Variants in C1GALT1 observed in about 807,000 individuals in gnomAD.
The protein encoded by C1GALT1 is glycoprotein-N-acetylgalactosamine 3-beta-galactosyltransferase 1.
A neutral mutation model predicts 31.0 loss-of-function variants in C1GALT1; 11 were observed. That is an observed-to-expected ratio of 0.36 (90% CI 0.22 to 0.59). C1GALT1 has a LOEUF of 0.59. Among genes scored for constraint, C1GALT1 ranks in the 20% least tolerant of loss-of-function variants. The pLI, the probability that C1GALT1 is intolerant of heterozygous loss-of-function variation, is 0.79. For missense variants in C1GALT1, 424 were observed against 425.2 expected (o/e 1.00, Z 0.03); for synonymous variants, 175 against 143.6 (o/e 1.22, Z -1.56).
At chr7:7,202,054 C>G (rs944045257) in intron 1 of C1GALT1, among the ~76,000 whole-genome samples, 6 of 152,214 alleles carry the variant, frequency 3.9e-5, no homozygotes, top group African/African-American at 1.4e-4. Flanking sequence ...ATATTTCTCA[C>G]AGCTCTCTAA....
At chr7:7,221,825 T>C (rs1198795864) in intron 1 of C1GALT1, among the ~76,000 whole-genome samples, 2 of 152,202 alleles carry the variant, frequency 1.3e-5, no homozygotes, top group South Asian at 2.1e-4. Context: ...CTCCTAAGGC[T>C]TGTTGCAAGG....
upstream of C1GALT1, among the ~76,000 whole-genome samples, chr7:7,180,468 T>C (rs1237187104): frequency 6.6e-6 from 1 of 152,212 alleles, no homozygotes; most frequent in Non-Finnish European, 1.5e-5. Context: ...GGTATATCCA[T>C]TTAACAGACA....
intron 3 of C1GALT1, among the ~76,000 whole-genome samples, chr7:7,243,173 G>C (rs1783705652): frequency 6.6e-6 from 1 of 152,228 alleles, no homozygotes; most frequent in African/African-American, 2.4e-5. Flanking sequence ...AAATGAGGAA[G>C]AGAAAGCAGA....
intron 1 of C1GALT1, among the ~76,000 whole-genome samples, chr7:7,218,055 G>C (rs1330308902): frequency 3.9e-5 from 6 of 152,160 alleles, no homozygotes; most frequent in Admixed American, 3.9e-4. Context: ...GAAGGAATAA[G>C]GAAAAATTTG....
intron 1 of C1GALT1, among the ~76,000 whole-genome samples, chr7:7,220,745 C>T (rs1231969928): frequency 1.3e-5 from 2 of 152,174 alleles, no homozygotes; most frequent in Non-Finnish European, 2.9e-5. Context: ...TGGTCTTGAT[C>T]TCTTGACCTT....
In C1GALT1 at chr7:7,244,830, CA is replaced by C. The variant is rs1783779789; in HGVS notation, c.*1105del. 6.6e-6 allele frequency: 1 copy of C among 152,110 alleles called. No individual in the cohort carries two copies. Among genetic ancestry groups the C allele is most frequent in the Admixed American group, 6.5e-5 (1 of 15,270 alleles). 9.4% of individuals were successfully genotyped at this position (152,110 alleles called of 1,614,324 possible). On this transcript the variant is annotated 3_prime_UTR_variant, in exon 4 of 4. Coordinates refer to ENST00000436587, the MANE Select transcript of C1GALT1 (RefSeq NM_020156.5). ...GCAAGATTTTGATGAGAATTAAAAA[CA>C]ATAGAAAATGTAGAGTGCTTAAACA...
intron 1 of C1GALT1, among the ~76,000 whole-genome samples, chr7:7,231,484 C>T (rs1783070509): frequency 6.6e-6 from 1 of 151,966 alleles, no homozygotes. Flanking sequence ...TGTTTTTTTG[C>T]TCAATTCTTT....
intron 1 of C1GALT1, among the ~76,000 whole-genome samples, chr7:7,231,212 A>G (rs1783058559): frequency 6.6e-6 from 1 of 152,222 alleles, no homozygotes; most frequent in East Asian, 1.9e-4. Context: ...GCTGCTAAAA[A>G]GTCAGCTGTC....
intron 1 of C1GALT1, among the ~76,000 whole-genome samples, chr7:7,195,592 C>T (rs372113632): frequency 4.6e-5 from 7 of 152,058 alleles, no homozygotes; most frequent in South Asian, 2.1e-4. Context: ...TGTGTCCTGT[C>T]GTGGTCTGTT....
intron 1 of C1GALT1, among the ~76,000 whole-genome samples, chr7:7,189,213 A>G (rs1267791924): frequency 6.6e-6 from 1 of 152,128 alleles, no homozygotes; most frequent in African/African-American, 2.4e-5. Context: ...TTCCTCATCA[A>G]CAGACAGACG....
intron 2 of C1GALT1, among the ~76,000 whole-genome samples, chr7:7,169,624 T>C (rs1015798354): frequency 6.6e-6 from 1 of 152,196 alleles, no homozygotes; most frequent in African/African-American, 2.4e-5. Flanking sequence ...ATTACCCTAA[T>C]AACTAAGGAT....
At position 7,182,714 on chromosome 7, in the gene C1GALT1, C is replaced by T; in HGVS notation, c.-124C>T. On this transcript the variant is annotated 5_prime_UTR_variant, in exon 1 of 4. Coordinates refer to ENST00000436587, the MANE Select transcript of C1GALT1 (RefSeq NM_020156.5). Reference sequence around the variant, plus strand: ...GGCAGCGGGCGGCCTCGGCTAGCGGCCACGAGCCACTTCTGCGGCTGCCCA... The same window carrying T: ...GGCAGCGGGCGGCCTCGGCTAGCGGTCACGAGCCACTTCTGCGGCTGCCCA... 1 of 790,052 alleles carries T rather than the reference C, an allele frequency of 1.3e-6. No individual in the cohort carries two copies. The highest frequency in any genetic ancestry group is 1.5e-6 in the Non-Finnish European group (1 of 651,342). The allele number at this position is 790,052 out of a possible 1,614,324, so 48.9% of individuals were successfully genotyped here. A position where few individuals can be genotyped will look rare whatever the true frequency, so the allele number is the denominator to read the frequency against.
intron 1 of C1GALT1, among the ~76,000 whole-genome samples, chr7:7,233,697 G>T (rs1035119927): frequency 6.6e-6 from 1 of 152,204 alleles, no homozygotes; most frequent in African/African-American, 2.4e-5. Flanking sequence ...ATGGGCATGG[G>T]TGTGTTCAAA....
At chr7:7,220,957 T>G (rs1398621731) in intron 1 of C1GALT1, among the ~76,000 whole-genome samples, 1 of 151,736 alleles carries the variant, frequency 6.6e-6, no homozygotes, top group African/African-American at 2.4e-5. Context: ...CCACTTACTT[T>G]CTGGTCTCTT....
intron 1 of C1GALT1, among the ~76,000 whole-genome samples, chr7:7,203,112 T>C (rs1487148620): frequency 7.2e-6 from 1 of 138,930 alleles, no homozygotes; most frequent in Non-Finnish European, 1.5e-5. Context: ...TTTTTTGGAA[T>C]CTTTAGGGTT....
intron 1 of C1GALT1, among the ~76,000 whole-genome samples, chr7:7,187,387 C>G (rs1365684523): frequency 6.6e-6 from 1 of 151,830 alleles, no homozygotes; most frequent in Admixed American, 6.6e-5. Context: ...GTAGCTGGGA[C>G]TACAGGCACC....
In C1GALT1 at chr7:7,246,734, C is replaced by T. The variant is rs1487143411; in HGVS notation, c.*3007C>T. 6.6e-6 allele frequency: 1 copy of T among 152,312 alleles called. No individual in the cohort carries two copies. Among genetic ancestry groups the T allele is most frequent in the African/African-American group, 2.4e-5 (1 of 41,414 alleles). The allele number at this position is 152,312 out of a possible 1,614,324, so 9.4% of individuals were successfully genotyped here. ...CAAACTCTGCAGGTGTCTTTCTTAT[C>T]CTAGTTTGAGAACCAATACCCAACA... On this transcript the variant is annotated 3_prime_UTR_variant, in exon 4 of 4. Coordinates refer to ENST00000436587, the MANE Select transcript of C1GALT1 (RefSeq NM_020156.5).
intron 2 of C1GALT1, among the ~76,000 whole-genome samples, chr7:7,174,760 A>G (rs961850128): frequency 4.6e-5 from 7 of 151,128 alleles, no homozygotes; most frequent in African/African-American, 1.7e-4. Flanking sequence ...TTTTATTTTT[A>G]TTTTTCAGCT....
intron 1 of C1GALT1, among the ~76,000 whole-genome samples, chr7:7,197,836 C>G (rs1781364417): frequency 6.6e-6 from 1 of 151,920 alleles, no homozygotes; most frequent in South Asian, 2.1e-4. Flanking sequence ...TGATTTGGCT[C>G]TCTGTCTGTT....
Sources: allele counts gnomAD v4.1 joint callset (sites outside exome capture counted in the v4.1 genomes callset), GRCh38; gene constraint gnomAD v4.1.1; transcripts MANE v1.5; gene names NCBI Gene and HGNC (gene_info 2026-07-23, HGNC 2026-07-21).